Variants in PHF14 observed in about 807,000 individuals in gnomAD.
PHF14 encodes PHD finger protein 14.
A neutral mutation model predicts 117.9 loss-of-function variants in PHF14; 55 were observed. The ratio of observed to expected loss-of-function variants is 0.47; its 90% CI spans 0.38 to 0.58. The LOEUF is 0.58. Among genes scored for constraint, PHF14 ranks in the 20% least tolerant of loss-of-function variants. The probability of loss-of-function intolerance (pLI) is 0.00; values close to 1 mark genes in which losing one functional copy is unlikely to be tolerated. For missense variants in PHF14, 978 were observed against 1,122.2 expected, an observed-to-expected ratio of 0.87 and a Z score of 1.84; for synonymous variants, 409 against 368.6, an observed-to-expected ratio of 1.11 and a Z score of -1.26.
At chr7:11,035,493 T>A (rs1784293015) in intron 7 of PHF14, 147 bp from the exon 8 acceptor site, 2 of 431,610 alleles carry the variant, frequency 4.6e-6, no homozygotes, top group East Asian at 7.1e-5. Flanking sequence ...TTTTTGTCAT[T>A]ATGTACAAAA....
At chr7:11,003,316 T>C (rs73063417) in intron 4 of PHF14, among the ~76,000 whole-genome samples, 4,047 of 152,302 alleles carry the variant, frequency 0.027, 96 homozygotes, top group Non-Finnish European at 0.035. Context: ...TTGAATGACT[T>C]GTCTTTTTCT....
chr7:11,161,318 A>C (rs555014842), intron 17 of PHF14, among the ~76,000 whole-genome samples: 1 of 152,356 alleles, frequency 6.6e-6, no homozygotes, highest in Non-Finnish European at 1.5e-5. Context: ...TCCAGTGAGA[A>C]GGATAAACAA....
At chr7:11,000,263 T>C (rs779747686) in intron 4 of PHF14, among the ~76,000 whole-genome samples, 2 of 151,934 alleles carry the variant, frequency 1.3e-5, no homozygotes, top group Non-Finnish European at 2.9e-5. Context: ...TGTTGTATGA[T>C]TGATTTTGTA....
rs943141295 is a variant in PHF14 at position 11,025,629 on chromosome 7, T to TA, written c.1317+2657dup. Among the ~76,000 whole-genome samples the TA allele has an allele frequency of 2.7e-5, 4 of 150,838 alleles. No homozygotes were observed. In the East Asian group the frequency reaches 7.9e-4, roughly 30 times the overall value. ...TAACACGGTGAAACCCCGTCTCTCC[T>TA]AAAAAAATACAAAAAATTAGCCGGG... is the stretch of plus-strand genomic sequence containing the variant. On this transcript the variant is annotated intron_variant, in intron 6 of 17. Transcript: ENST00000634607.
chr7:10,995,578 T>C (rs1027264244), intron 4 of PHF14, among the ~76,000 whole-genome samples: 2 of 152,106 alleles, frequency 1.3e-5, no homozygotes, highest in Non-Finnish European at 2.9e-5. Context: ...GGGTGGTCGA[T>C]GGGACCGCGC....
intron 16 of PHF14, among the ~76,000 whole-genome samples, chr7:11,092,978 T>G (rs2906546): frequency 6.6e-6 from 1 of 151,916 alleles, no homozygotes; most frequent in Non-Finnish European, 1.5e-5. Context: ...AAATAGCACT[T>G]TGTCTGTTGT....
At chr7:11,078,710 T>C (rs1009689777) in intron 16 of PHF14, among the ~76,000 whole-genome samples, 3 of 152,154 alleles carry the variant, frequency 2.0e-5, no homozygotes, top group Non-Finnish European at 2.9e-5. Flanking sequence ...TAAAGTTTTG[T>C]TCTTATTTAT....
At chr7:11,107,245 A>G (rs966989744) in intron 16 of PHF14, 3 of 981,018 alleles carry the variant, frequency 3.1e-6, no homozygotes, top group African/African-American at 1.8e-5. Flanking sequence ...ATTGCTTGTT[A>G]TATGGATCAT....
chr7:11,125,505 T>C (rs1012279031), intron 17 of PHF14, among the ~76,000 whole-genome samples: 22 of 152,224 alleles, frequency 1.4e-4, no homozygotes, highest in African/African-American at 5.3e-4. Flanking sequence ...GTTAATTCTT[T>C]TGCTGACAAT....
At chr7:11,067,983 A>T (rs1056639611) in intron 16 of PHF14, among the ~76,000 whole-genome samples, 1 of 152,190 alleles carries the variant, frequency 6.6e-6, no homozygotes, top group East Asian at 1.9e-4. Flanking sequence ...TCACATTTCA[A>T]CATTAGGTTT....
At chr7:11,154,670 A>G (rs974193114) in intron 17 of PHF14, among the ~76,000 whole-genome samples, 11 of 152,152 alleles carry the variant, frequency 7.2e-5, no homozygotes, top group Admixed American at 3.9e-4. Context: ...ATTCTCTACA[A>G]TGACAACATC....
At chr7:11,074,768 A>T (rs1785764741) in intron 16 of PHF14, among the ~76,000 whole-genome samples, 1 of 152,118 alleles carries the variant, frequency 6.6e-6, no homozygotes, top group Admixed American at 6.6e-5. Flanking sequence ...AGGCCTCATC[A>T]GTCTGGCCTT....
chr7:11,068,528 G>C (rs924520034), intron 16 of PHF14, among the ~76,000 whole-genome samples: 1 of 152,084 alleles, frequency 6.6e-6, no homozygotes, highest in Non-Finnish European at 1.5e-5. Context: ...GTTTCCAGGG[G>C]GAAGGAGGAA....
chr7:11,061,214 G>C (rs1348264901), intron 14 of PHF14: 1 of 152,186 alleles, frequency 6.6e-6, no homozygotes, highest in African/African-American at 2.4e-5. Context: ...TGAAATATAG[G>C]ATGTGAATTT....
At chr7:11,157,194 C>G (rs1788887980) in intron 17 of PHF14, among the ~76,000 whole-genome samples, 1 of 152,122 alleles carries the variant, frequency 6.6e-6, no homozygotes, top group Non-Finnish European at 1.5e-5. Context: ...TGCTTAGTAT[C>G]TGGCACACAA....
intron 17 of PHF14, among the ~76,000 whole-genome samples, chr7:11,153,539 A>G (rs181287826): frequency 6.6e-6 from 1 of 152,260 alleles, no homozygotes; most frequent in Admixed American, 6.5e-5. Context: ...GGCTGAAGAT[A>G]TAAATGGGAA....
At chr7:11,163,780 AAC>A (rs1438380852) in intron 17 of PHF14, among the ~76,000 whole-genome samples, 1 of 152,198 alleles carries the variant, frequency 6.6e-6, no homozygotes, top group African/African-American at 2.4e-5. Context: ...CTGTATTAAA[AAC>A]ACAGTTTTAA....
Position 11,125,540 on chromosome 7 carries a change from TAAAC to T in PHF14, c.2772+14076_2772+14079del, listed in dbSNP as rs1787904254. Among the ~76,000 whole-genome samples the T allele has an allele frequency of 2.6e-5, 4 of 152,194 alleles. No homozygotes were observed. In the South Asian group the frequency reaches 8.3e-4, roughly 32 times the overall value. On this transcript the variant is annotated intron_variant, in intron 17 of 17. Coordinates refer to ENST00000634607, the MANE Select transcript of PHF14 (RefSeq NM_001007157.2). Reference sequence around the variant, plus strand: ...TTCTTTTGTTAATTCTTTTGATTATTAAACAAGGAGTACAAAATTATTACCTCAC... The same window carrying T: ...TTCTTTTGTTAATTCTTTTGATTATTAAGGAGTACAAAATTATTACCTCAC...
chr7:11,050,815 A>G (rs1784830535), intron 13 of PHF14, among the ~76,000 whole-genome samples: 1 of 152,142 alleles, frequency 6.6e-6, no homozygotes, highest in South Asian at 2.1e-4. Context: ...CTTCTTTTAG[A>G]AGTAGTAGGG....
Sources: allele counts gnomAD v4.1 joint callset (sites outside exome capture counted in the v4.1 genomes callset), GRCh38; gene constraint gnomAD v4.1.1; transcripts MANE v1.5; gene names NCBI Gene and HGNC (gene_info 2026-07-23, HGNC 2026-07-21).